The following TBC1D4 variants were observed in gnomAD, a reference collection of about 807,000 sequenced individuals.
TBC1D4 encodes the protein TBC1 domain family member 4.
In TBC1D4, 121 loss-of-function variants were observed where a neutral mutation model predicts 142.5. That is an observed-to-expected ratio of 0.85 (90% CI 0.73 to 0.99). TBC1D4 has a LOEUF of 0.99. Among genes scored for constraint, TBC1D4 ranks in the 50% least tolerant of loss-of-function variants. The pLI is 0.00. For missense variants in TBC1D4, 1,475 were observed against 1,606.6 expected (o/e 0.92, Z 1.40); for synonymous variants, 630 against 628.2 (o/e 1.00, Z -0.04).
chr13:75,469,514 T>C (rs962307633), intron 1 of TBC1D4, among the ~76,000 whole-genome samples: 48 of 152,142 alleles, frequency 3.2e-4, no homozygotes, highest in Admixed American at 2.7e-3. Context: ...CTCATACCTG[T>C]AATCCCAGCA....
At chr13:75,397,150 A>C (rs1340249498) in intron 1 of TBC1D4, among the ~76,000 whole-genome samples, 1 of 152,052 alleles carries the variant, frequency 6.6e-6, no homozygotes, top group Admixed American at 6.6e-5. Flanking sequence ...GAAGGCAAGA[A>C]AAAAAAATGG....
intron 1 of TBC1D4, among the ~76,000 whole-genome samples, chr13:75,364,686 A>G (rs554147307): frequency 6.6e-6 from 1 of 152,370 alleles, no homozygotes; most frequent in African/African-American, 2.4e-5. Context: ...CTAGTGGGCA[A>G]AGCCCTAGGA....
intron 1 of TBC1D4, among the ~76,000 whole-genome samples, chr13:75,413,905 C>T (rs1885797068): frequency 6.6e-6 from 1 of 152,130 alleles, no homozygotes; most frequent in African/African-American, 2.4e-5. Context: ...TTCTCTTCTT[C>T]TAGAGCAGGG....
chr13:75,364,547 G>GC (rs1882786802), intron 1 of TBC1D4, among the ~76,000 whole-genome samples: 1 of 152,220 alleles, frequency 6.6e-6, no homozygotes, highest in African/African-American at 2.4e-5. Context: ...CATGTGACTA[G>GC]CAACCTCAAC....
At chr13:75,302,537 T>A in intron 15 of TBC1D4, 136 bp from the exon 16 acceptor site, 1 of 989,152 alleles carries the variant, frequency 1.0e-6, no homozygotes, top group Non-Finnish European at 1.5e-6. Context: ...CACAATATAA[T>A]TGACAGAAGC....
At chr13:75,349,682 C>T (rs1881446504) in intron 4 of TBC1D4, among the ~76,000 whole-genome samples, 1 of 152,262 alleles carries the variant, frequency 6.6e-6, no homozygotes, top group African/African-American at 2.4e-5. Flanking sequence ...TATGAAACAA[C>T]AAAATAGGTC....
intron 1 of TBC1D4, among the ~76,000 whole-genome samples, chr13:75,383,823 C>T (rs1246515655): frequency 6.6e-6 from 1 of 152,138 alleles, no homozygotes; most frequent in African/African-American, 2.4e-5. Flanking sequence ...TATAACTGGT[C>T]TTCTTGCCTT....
chr13:75,404,925 GA>G (rs1030778439), intron 1 of TBC1D4, among the ~76,000 whole-genome samples: 7 of 152,278 alleles, frequency 4.6e-5, no homozygotes, highest in Admixed American at 6.5e-5. Context: ...TATCCTCTAT[GA>G]CACCAGCAGC....
chr13:75,289,835 G>T (rs61960550), intron 19 of TBC1D4, among the ~76,000 whole-genome samples: 1 of 152,138 alleles, frequency 6.6e-6, no homozygotes, highest in Non-Finnish European at 1.5e-5. Context: ...TTCCTAGGGG[G>T]AAGGAGAGAC....
chr13:75,289,396 C>T (rs1289514581), intron 19 of TBC1D4, among the ~76,000 whole-genome samples: 2 of 151,560 alleles, frequency 1.3e-5, no homozygotes, highest in Admixed American at 6.6e-5. Context: ...GAAGCTAAGT[C>T]CCTAGAATAA....
chr13:75,358,996 C>T (rs1379335776), intron 3 of TBC1D4, among the ~76,000 whole-genome samples: 1 of 152,102 alleles, frequency 6.6e-6, no homozygotes, highest in Non-Finnish European at 1.5e-5. Context: ...CTAAAGAAAA[C>T]AAGATAGGCC....
At chr13:75,333,532 A>AT (rs930086280) in intron 8 of TBC1D4, among the ~76,000 whole-genome samples, 1 of 152,120 alleles carries the variant, frequency 6.6e-6, no homozygotes, top group East Asian at 1.9e-4. Flanking sequence ...CAGTACAAAA[A>AT]TTTTTTTTCC....
intron 1 of TBC1D4, among the ~76,000 whole-genome samples, chr13:75,420,721 G>A (rs987020745): frequency 4.6e-5 from 7 of 152,096 alleles, no homozygotes; most frequent in Non-Finnish European, 8.8e-5. Context: ...TAAATTCTAC[G>A]CAACAATAAT....
chr13:75,404,514 A>T (rs1420365949), intron 1 of TBC1D4, among the ~76,000 whole-genome samples: 1 of 151,884 alleles, frequency 6.6e-6, no homozygotes, highest in Non-Finnish European at 1.5e-5. Flanking sequence ...CTCAAGAGGC[A>T]TTTTTTTTAA....
intron 1 of TBC1D4, among the ~76,000 whole-genome samples, chr13:75,427,711 C>T (rs370595426): frequency 6.6e-6 from 1 of 152,204 alleles, no homozygotes; most frequent in South Asian, 2.1e-4. Flanking sequence ...TTTCACTAGA[C>T]TTGCAAGATC....
chr13:75,380,232 G>A (rs1883751377), intron 1 of TBC1D4, among the ~76,000 whole-genome samples: 1 of 151,724 alleles, frequency 6.6e-6, no homozygotes, highest in Non-Finnish European at 1.5e-5. Flanking sequence ...AGAACTTTGG[G>A]AGGCCGAGGC....
At chr13:75,478,240 C>T (rs895243066) in intron 1 of TBC1D4, among the ~76,000 whole-genome samples, 1 of 152,132 alleles carries the variant, frequency 6.6e-6, no homozygotes, top group Non-Finnish European at 1.5e-5. Flanking sequence ...ACAAACTTTG[C>T]CATGGTGACC....
At chr13:75,455,102 C>T (rs956246429) in intron 1 of TBC1D4, among the ~76,000 whole-genome samples, 1 of 152,066 alleles carries the variant, frequency 6.6e-6, no homozygotes, top group Non-Finnish European at 1.5e-5. Flanking sequence ...GTTTTCCCTC[C>T]CTCCCATCCT....
At chr13:75,295,908 T>A (rs1875868710) in intron 17 of TBC1D4, among the ~76,000 whole-genome samples, 1 of 152,174 alleles carries the variant, frequency 6.6e-6, no homozygotes, top group Non-Finnish European at 1.5e-5. Context: ...TAGCAGAACT[T>A]CTTTCACTAG....
Sources: allele counts gnomAD v4.1 joint callset (sites outside exome capture counted in the v4.1 genomes callset), GRCh38; gene constraint gnomAD v4.1.1; transcripts MANE v1.5; gene names NCBI Gene and HGNC (gene_info 2026-07-23, HGNC 2026-07-21).